FHIT: variants seen among roughly 807,000 people sequenced by gnomAD.
The protein encoded by FHIT is fragile histidine triad diadenosine triphosphatase.
In FHIT, 19 loss-of-function variants were observed where a neutral mutation model predicts 17.9. The observed-to-expected ratio is 1.06, with a 90% CI of 0.74 to 1.56. FHIT has a LOEUF of 1.56. Among genes scored for constraint, FHIT ranks in the 40% most tolerant of loss-of-function variants. The pLI is 0.00. For missense variants in FHIT, 248 were observed against 189.2 expected (o/e 1.31, Z -1.82); for synonymous variants, 81 against 69.7 (o/e 1.16, Z -0.81).
At chr3:60,469,461 G>C (rs1001388719) in intron 5 of FHIT, among the ~76,000 whole-genome samples, 2 of 152,002 alleles carry the variant, frequency 1.3e-5, no homozygotes, top group Admixed American at 6.6e-5. Flanking sequence ...TCTTCAGTAG[G>C]CCAGCTGCAT....
At chr3:60,719,372 T>C (rs142603035) in intron 4 of FHIT, among the ~76,000 whole-genome samples, 16 of 152,336 alleles carry the variant, frequency 1.1e-4, no homozygotes, top group African/African-American at 3.6e-4. Flanking sequence ...CGGACCTCTG[T>C]CTGTTTGCAC....
intron 8 of FHIT, among the ~76,000 whole-genome samples, chr3:59,808,857 C>A (rs963397443): frequency 6.6e-6 from 1 of 152,182 alleles, no homozygotes; most frequent in Non-Finnish European, 1.5e-5. Flanking sequence ...TCACACAACA[C>A]ACACTCACAC....
intron 1 of FHIT, among the ~76,000 whole-genome samples, chr3:61,202,045 CAT>C (rs1360990426): frequency 1.3e-5 from 2 of 150,340 alleles, no homozygotes; most frequent in Non-Finnish European, 2.9e-5. Context: ...TATATACCTA[CAT>C]ATATATACAC....
At chr3:61,137,189 T>C (rs1340012004) in intron 2 of FHIT, among the ~76,000 whole-genome samples, 1 of 151,744 alleles carries the variant, frequency 6.6e-6, no homozygotes, top group East Asian at 1.9e-4. Context: ...TTTTATATCA[T>C]ATCCCTGCTC....
Position 60,192,749 on chromosome 3 carries a change from A to C in FHIT, c.104-178597T>G, listed in dbSNP as rs576486489. 2.0e-5 allele frequency among the ~76,000 whole-genome samples: 3 copies of C among 152,330 alleles called. No individual in the cohort carries two copies. The East Asian group carries it at 5.8e-4, about 29-fold the overall frequency. On this transcript the variant is annotated intron_variant, in intron 5 of 9. Coordinates refer to ENST00000492590, the MANE Select transcript of FHIT (RefSeq NM_002012.4). ...TCTGAGTCCTAACTTTCTACCCTCTAAAATGATTCCACCACCATCCGTGAA... is the reference window on the plus strand; with the variant it reads ...TCTGAGTCCTAACTTTCTACCCTCTCAAATGATTCCACCACCATCCGTGAA...
At chr3:59,824,980 T>A (rs1012321267) in intron 8 of FHIT, among the ~76,000 whole-genome samples, 1 of 152,218 alleles carries the variant, frequency 6.6e-6, no homozygotes, top group African/African-American at 2.4e-5. Context: ...CAGCTACTTC[T>A]GCAAAGAGGT....
At chr3:60,812,559 C>T (rs952815991) in intron 4 of FHIT, among the ~76,000 whole-genome samples, 1 of 152,120 alleles carries the variant, frequency 6.6e-6, no homozygotes, top group African/African-American at 2.4e-5. Flanking sequence ...CATGGTCTAC[C>T]TCTATGTGAA....
chr3:60,395,633 T>G (rs1701409560), intron 5 of FHIT, among the ~76,000 whole-genome samples: 1 of 151,996 alleles, frequency 6.6e-6, no homozygotes, highest in African/African-American at 2.4e-5. Flanking sequence ...TAGAGAAAGG[T>G]TTTTAAAAGG....
At chr3:60,139,602 C>G (rs1435780764) in intron 5 of FHIT, among the ~76,000 whole-genome samples, 4 of 152,094 alleles carry the variant, frequency 2.6e-5, no homozygotes, top group African/African-American at 9.7e-5. Flanking sequence ...CATGTTCTTG[C>G]CTGCTTTACT....
At chr3:59,772,948 A>G (rs6772278) in intron 8 of FHIT, among the ~76,000 whole-genome samples, 7,557 of 152,252 alleles carry the variant, frequency 0.05, 314 homozygotes, top group East Asian at 0.2. Flanking sequence ...CACAACGAAC[A>G]CATTTGTAGG....
chr3:61,033,009 CAG>C (rs2033079881), intron 3 of FHIT, among the ~76,000 whole-genome samples: 1 of 152,226 alleles, frequency 6.6e-6, no homozygotes, highest in Admixed American at 6.5e-5. Context: ...CCTGCTCAAA[CAG>C]AGACAGTGAA....
chr3:60,554,735 A>G (rs957157469), intron 4 of FHIT, among the ~76,000 whole-genome samples: 1 of 152,240 alleles, frequency 6.6e-6, no homozygotes, highest in Non-Finnish European at 1.5e-5. Flanking sequence ...TATATTTTGA[A>G]CATTTACATT....
chr3:60,152,185 G>A (rs1020219785), intron 5 of FHIT, among the ~76,000 whole-genome samples: 1 of 152,102 alleles, frequency 6.6e-6, no homozygotes, highest in Non-Finnish European at 1.5e-5. Flanking sequence ...TCAATGAATG[G>A]CAAGCATATT....
intron 5 of FHIT, among the ~76,000 whole-genome samples, chr3:60,090,253 T>C (rs978825811): frequency 6.6e-6 from 1 of 152,118 alleles, no homozygotes; most frequent in Non-Finnish European, 1.5e-5. Flanking sequence ...AGTATGAAAA[T>C]GTGAAGGATC....
intron 4 of FHIT, among the ~76,000 whole-genome samples, chr3:60,772,993 C>T (rs782711467): frequency 1.6e-4 from 25 of 152,142 alleles, no homozygotes; most frequent in Non-Finnish European, 2.6e-4. Flanking sequence ...CTTTGAAAAG[C>T]CCCTAACCTA....
At chr3:60,634,293 A>C (rs1003937377) in intron 4 of FHIT, among the ~76,000 whole-genome samples, 6 of 93,378 alleles carry the variant, frequency 6.4e-5, no homozygotes, top group East Asian at 2.7e-4. Flanking sequence ...TAAAACAACA[A>C]AAAAAAAATC....
At chr3:60,768,681 C>A (rs1210489566) in intron 4 of FHIT, among the ~76,000 whole-genome samples, 1 of 152,192 alleles carries the variant, frequency 6.6e-6, no homozygotes, top group South Asian at 2.1e-4. Flanking sequence ...CTAGTGCAGG[C>A]CAACGGGCTA....
In FHIT at chr3:61,113,204, C is replaced by A. The variant is rs551203577; in HGVS notation, c.-163-71105G>T. On this transcript the variant is annotated intron_variant, in intron 2 of 9. Transcript: ENST00000492590. Reference sequence around the variant, plus strand: ...TTTTTAATTTTTGTAGAGATGGGGTCTCACTGTGTTGCCCAGGCTGCTCTC... The same window carrying A: ...TTTTTAATTTTTGTAGAGATGGGGTATCACTGTGTTGCCCAGGCTGCTCTC... Among the ~76,000 whole-genome samples, 7 of 152,022 alleles carry A rather than the reference C, an allele frequency of 4.6e-5. No individual in the cohort carries two copies. The South Asian group carries it at 1.5e-3, about 32-fold the overall frequency.
chr3:60,963,197 A>C (rs1251429004), intron 3 of FHIT, among the ~76,000 whole-genome samples: 4 of 151,640 alleles, frequency 2.6e-5, no homozygotes, highest in African/African-American at 4.8e-5. Context: ...TTTCTTCTAG[A>C]TTTTCTAGTT....
Sources: gnomAD v4.1 joint callset for allele counts (sites outside exome capture counted in the v4.1 genomes callset) on GRCh38, gnomAD v4.1.1 for gene constraint, MANE v1.5 for transcripts, NCBI Gene and HGNC (gene_info 2026-07-23, HGNC 2026-07-21) for gene names.